CCDC33: variants seen among roughly 807,000 people sequenced by gnomAD.
CCDC33 encodes the protein coiled-coil domain containing 33, also known as coiled-coil domain-containing protein 33.
In CCDC33, 94 loss-of-function variants were observed where a neutral mutation model predicts 91.9. The observed-to-expected ratio is 1.02, with a 90% CI of 0.87 to 1.21. The LOEUF (loss-of-function observed/expected upper bound fraction) is 1.21. Among genes scored for constraint, CCDC33 ranks in the 50% most tolerant of loss-of-function variants. The pLI is 0.00. For synonymous variants in CCDC33, 396 were observed against 374.5 expected, an observed-to-expected ratio of 1.06 and a Z score of -0.66; for missense variants, 940 against 935.5, an observed-to-expected ratio of 1.00 and a Z score of -0.06.
chr15:74,265,346 A>C (rs1215618413), intron 3 of CCDC33, among the ~76,000 whole-genome samples: 1 of 151,956 alleles, frequency 6.6e-6, no homozygotes, highest in Admixed American at 6.6e-5. Flanking sequence ...TCTGTTTTGT[A>C]TCCTTTCTTA....
At chr15:74,279,901 T>G (rs351165) in intron 7 of CCDC33, 62 bp from the exon 8 acceptor site, 1 of 1,575,242 alleles carries the variant, frequency 6.3e-7, no homozygotes, top group Non-Finnish European at 8.6e-7. Flanking sequence ...CAAATATCTG[T>G]GTATGCCTTG....
intron 2 of CCDC33, among the ~76,000 whole-genome samples, chr15:74,248,891 C>T (rs578204956): frequency 6.2e-4 from 94 of 152,174 alleles, no homozygotes; most frequent in Non-Finnish European, 4.1e-4. Context: ...ATCTCTGACC[C>T]TGCATCCAAC....
intron 11 of CCDC33, among the ~76,000 whole-genome samples, chr15:74,309,025 G>A (rs896254191): frequency 6.6e-6 from 1 of 152,120 alleles, no homozygotes; most frequent in Non-Finnish European, 1.5e-5. Flanking sequence ...TCAGAGAGCT[G>A]GCTCAGGATC....
At chr15:74,204,518 G>A (rs530125516) in intron 1 of CCDC33, among the ~76,000 whole-genome samples, 1 of 152,358 alleles carries the variant, frequency 6.6e-6, no homozygotes, top group South Asian at 2.1e-4. Flanking sequence ...ACCTTAGGGA[G>A]CAGCCAACTC....
chr15:74,286,023 G>A (rs1194043007), intron 10 of CCDC33, among the ~76,000 whole-genome samples: 9 of 152,104 alleles, frequency 5.9e-5, no homozygotes, highest in Non-Finnish European at 8.8e-5. Context: ...TGAGGCGGGC[G>A]GATCATGAGG....
intron 10 of CCDC33, among the ~76,000 whole-genome samples, chr15:74,290,059 AT>A (rs141766500): frequency 0.053 from 8,066 of 151,990 alleles, 559 homozygotes; most frequent in African/African-American, 0.16. Context: ...TGGTCTTGGG[AT>A]TTCCCCCCTT....
Position 74,331,314 on chromosome 15 carries a change from T to G in CCDC33, c.1771+18T>G. The G allele has an allele frequency of 6.2e-7, 1 of 1,612,186 alleles. No individual in the cohort carries two copies. The highest frequency in any genetic ancestry group is 8.5e-7 in the Non-Finnish European group (1 of 1,178,930). On this transcript the variant is annotated intron_variant, in intron 15 of 18. Transcript: ENST00000398814. ...CTACACGGGTGGGTCCACACCCTGA[T>G]GTGATCAGCTCCCCAGCTTCTGCTC...
At chr15:74,217,952 C>T (rs919884300) in intron 1 of CCDC33, among the ~76,000 whole-genome samples, 1 of 151,992 alleles carries the variant, frequency 6.6e-6, no homozygotes. Context: ...GTCCCTGAGC[C>T]CCACTAGATT....
intron 7 of CCDC33, among the ~76,000 whole-genome samples, chr15:74,278,422 C>G (rs1252404200): frequency 6.6e-6 from 1 of 152,256 alleles, no homozygotes; most frequent in African/African-American, 2.4e-5. Context: ...CTGACAGCCC[C>G]TGGCTGGGGA....
chr15:74,236,762 A>G lies in CCDC33; in HGVS notation c.21+22A>G, dbSNP rs759276905. 3 of 1,612,552 alleles carry G rather than the reference A, an allele frequency of 1.9e-6. No individual in the cohort carries two copies. The African/African-American group carries it at 4.0e-5, about 22-fold the overall frequency. On this transcript the variant is annotated intron_variant, in intron 1 of 18. Coordinates refer to ENST00000398814, the MANE Select transcript of CCDC33 (RefSeq NM_025055.5). The stretch of plus-strand genomic sequence containing the variant: ...AAAGGTAAGGCCAGGGGCATGGGCC[A>G]TGCACCTGCATGAATCCGTCCCTCC...
At chr15:74,269,705 G>A (rs552586186) in intron 5 of CCDC33, among the ~76,000 whole-genome samples, 41 of 151,200 alleles carry the variant, frequency 2.7e-4, no homozygotes, top group African/African-American at 9.9e-4. Flanking sequence ...CTGGTAGAGC[G>A]GTAGAGTAGG....
chr15:74,260,283 C>G (rs1283403007), intron 2 of CCDC33, among the ~76,000 whole-genome samples: 1 of 152,184 alleles, frequency 6.6e-6, no homozygotes, highest in Non-Finnish European at 1.5e-5. Flanking sequence ...TCTGCCTTCC[C>G]TCTCTAGCCT....
At chr15:74,334,857 A>T (rs2060530079) in intron 17 of CCDC33, 118 bp from the exon 18 acceptor site, 2 of 878,570 alleles carry the variant, frequency 2.3e-6, no homozygotes, top group African/African-American at 3.3e-5. Flanking sequence ...TGTCAAGCCC[A>T]CATGGCCCAG....
intron 11 of CCDC33, among the ~76,000 whole-genome samples, chr15:74,327,172 G>A (rs1229123890): frequency 1.3e-5 from 2 of 152,160 alleles, no homozygotes; most frequent in African/African-American, 2.4e-5. Context: ...GTGGGGGAGG[G>A]GGATAGGCAC....
chr15:74,208,796 C>T, intron 1 of CCDC33: 1 of 989,048 alleles, frequency 1.0e-6, no homozygotes. Context: ...TGGCTCCAGC[C>T]TACCTCCAAT....
exon 1 of CCDC33, chr15:74,217,513 T>C (rs1595877154): frequency 2.3e-6 from 3 of 1,288,062 alleles, no homozygotes; most frequent in Non-Finnish European, 2.0e-6. Context: ...ACTGATGTCA[T>C]TGAGCAGCAG....
Position 74,331,061 on chromosome 15 carries a change from C to T in CCDC33, c.1626C>T (p.Gly542=). The T allele has an allele frequency of 6.2e-7, 1 of 1,613,558 alleles. No homozygotes were observed. The highest frequency in any genetic ancestry group is 8.5e-7 in the Non-Finnish European group (1 of 1,179,726). ...CCGCTCTGCTGAAGCAGTACCAGGG[C>T]AAGCTGCAGAAGATGAAGGCGCTGG... ...PQAALLKQYQ[G]KLQKMKALEE... Residue 542 remains glycine, a synonymous_variant, in exon 14 of 19, where the codon GGC becomes GGT. Coordinates refer to ENST00000398814, the MANE Select transcript of CCDC33 (RefSeq NM_025055.5).
rs901056404 is a variant in CCDC33, at chr15:74,295,651, G to A, written c.1096-103G>A. The A allele has an allele frequency of 3.0e-6, 3 of 1,000,136 alleles. No homozygotes were observed. The Admixed American group carries it at 7.1e-5, about 24-fold the overall frequency. The allele number at this position is 1,000,136 out of a possible 1,614,324, so 62.0% of individuals were successfully genotyped here. ...ACGGGCCAGCCATGCAGGGCCTCCT[G>A]AGCCATGAGGAGGAGAGGCTTGGGG... On this transcript the variant is annotated intron_variant, in intron 10 of 18. Transcript: ENST00000398814.
chr15:74,270,225 G>A (rs1330944504), intron 5 of CCDC33, among the ~76,000 whole-genome samples: 1 of 152,204 alleles, frequency 6.6e-6, no homozygotes, highest in African/African-American at 2.4e-5. Context: ...AGAGGAGCCT[G>A]AAAGGAGGGT....
Sources: gnomAD v4.1 joint callset for allele counts (sites outside exome capture counted in the v4.1 genomes callset) on GRCh38, gnomAD v4.1.1 for gene constraint, MANE v1.5 for transcripts, NCBI Gene and HGNC (gene_info 2026-07-23, HGNC 2026-07-21) for gene names.